Variants in KCNU1 observed in about 807,000 individuals in gnomAD.
KCNU1 encodes potassium channel subfamily U member 1.
In KCNU1, 93 loss-of-function variants were observed where a neutral mutation model predicts 126.8. The observed-to-expected ratio is 0.73, with a 90% CI of 0.62 to 0.87. KCNU1 has a LOEUF of 0.87. KCNU1 is among the 40% of genes least tolerant of loss of function. The pLI, the probability that KCNU1 is intolerant of heterozygous loss-of-function variation, is 0.00. For synonymous variants in KCNU1, 523 were observed against 494.2 expected, an observed-to-expected ratio of 1.06 and a Z score of -0.77; for missense variants, 1,330 against 1,367.1, an observed-to-expected ratio of 0.97 and a Z score of 0.43.
At chr8:36,839,930 T>A (rs1162225019) in intron 14 of KCNU1, among the ~76,000 whole-genome samples, 1 of 152,180 alleles carries the variant, frequency 6.6e-6, no homozygotes, top group Non-Finnish European at 1.5e-5. Flanking sequence ...GAAACCTACT[T>A]TTTGCCTTGA....
intron 2 of KCNU1, among the ~76,000 whole-genome samples, chr8:36,798,976 C>G (rs1459455847): frequency 2.6e-5 from 4 of 152,092 alleles, no homozygotes; most frequent in African/African-American, 9.7e-5. Flanking sequence ...AGTCTGAATC[C>G]CAACTCCAAA....
In KCNU1 at chr8:36,932,974, C is replaced by T; in HGVS notation, c.2986C>T (p.Leu996=). 6.3e-7 allele frequency: 1 copy of T among 1,576,952 alleles called. No individual in the cohort carries two copies. Among genetic ancestry groups the T allele is most frequent in the South Asian group, 1.2e-5 (1 of 85,956 alleles). Residue 996 remains leucine, a synonymous_variant, in exon 26 of 27, where the codon CTG becomes TTG. Coordinates refer to ENST00000399881, the MANE Select transcript of KCNU1 (RefSeq NM_001031836.3). The stretch of plus-strand genomic sequence containing the variant: ...TGGCTCATTAGATCTTTTTGGAATC[C>T]TGTGTGTTGGCTTATACCGAATAAT... The part of the protein sequence containing the change: ...FCGSLDLFGI[L]CVGLYRIIDE...
intron 19 of KCNU1, among the ~76,000 whole-genome samples, chr8:36,873,135 G>T (rs924452467): frequency 6.6e-6 from 1 of 152,068 alleles, no homozygotes; most frequent in Non-Finnish European, 1.5e-5. Flanking sequence ...TACATCCTGT[G>T]GGGGTGGCAA....
At chr8:36,923,189 G>A in intron 24 of KCNU1, 1 of 411,606 alleles carries the variant, frequency 2.4e-6, no homozygotes, top group South Asian at 1.8e-5. Flanking sequence ...ATTCCCCTGG[G>A]TGGAATTAAT....
intron 22 of KCNU1, among the ~76,000 whole-genome samples, chr8:36,915,248 T>A (rs1037756900): frequency 1.3e-5 from 2 of 152,232 alleles, no homozygotes; most frequent in Non-Finnish European, 2.9e-5. Flanking sequence ...TATTGAAAAT[T>A]CCAGTCAAAC....
chr8:36,820,724 GAA>G (rs369494594), intron 10 of KCNU1, among the ~76,000 whole-genome samples: 1 of 149,260 alleles, frequency 6.7e-6, no homozygotes, highest in African/African-American at 2.5e-5. Flanking sequence ...ACCTCAGAGA[GAA>G]AAAAAAAATC....
At chr8:36,840,198 C>T (rs1432389300) in intron 14 of KCNU1, among the ~76,000 whole-genome samples, 1 of 152,172 alleles carries the variant, frequency 6.6e-6, no homozygotes, top group Non-Finnish European at 1.5e-5. Flanking sequence ...ATTCTCACTG[C>T]CAGCAAGGAA....
intron 20 of KCNU1, among the ~76,000 whole-genome samples, chr8:36,908,704 G>T (rs560669552): frequency 6.6e-6 from 1 of 151,956 alleles, no homozygotes; most frequent in Non-Finnish European, 1.5e-5. Context: ...TGCACTTTGC[G>T]TGATGAATTT....
At chr8:36,897,559 T>G (rs1164695622) in intron 19 of KCNU1, among the ~76,000 whole-genome samples, 1 of 152,028 alleles carries the variant, frequency 6.6e-6, no homozygotes, top group African/African-American at 2.4e-5. Context: ...CATTTCAAAT[T>G]AGAGGTGAAC....
chr8:36,894,880 T>C (rs917052449), intron 19 of KCNU1, among the ~76,000 whole-genome samples: 27 of 152,246 alleles, frequency 1.8e-4, no homozygotes, highest in African/African-American at 6.0e-4. Context: ...ATAGTCCTTA[T>C]TGTGTTATCC....
chr8:36,831,771 C>T (rs548741001), intron 10 of KCNU1, among the ~76,000 whole-genome samples: 69 of 149,138 alleles, frequency 4.6e-4, no homozygotes, highest in Admixed American at 2.7e-3. Flanking sequence ...TAATTAGATC[C>T]CATTTGTCAA....
At chr8:36,929,635 T>C (rs1005583) in intron 24 of KCNU1, among the ~76,000 whole-genome samples, 15,130 of 152,118 alleles carry the variant, frequency 0.099, 1,088 homozygotes, top group Non-Finnish European at 0.15. Context: ...ACAAAGCTGA[T>C]GAACCAGAGT....
chr8:36,836,485 A>T, intron 13 of KCNU1, 120 bp downstream of exon 13: 1 of 681,714 alleles, frequency 1.5e-6, no homozygotes, highest in Non-Finnish European at 2.5e-6. Context: ...TAAAATTTGG[A>T]GTCTTATTAA....
rs542340376 is a variant in KCNU1, at chr8:36,793,608, C to T, written c.315+6183C>T. Among the ~76,000 whole-genome samples, 88 of 152,038 alleles carry T rather than the reference C, an allele frequency of 5.8e-4. 1 individual carries two copies. In the South Asian group the frequency reaches 8.5e-3, roughly 15 times the overall value. ...TTTCAAATGTGCTCTCCAATTTTTC[C>T]GCTTGTTTATTATTGGAAACAATAT... is the stretch of plus-strand genomic sequence containing the variant. On this transcript the variant is annotated intron_variant, in intron 2 of 26. Coordinates refer to ENST00000399881, the MANE Select transcript of KCNU1 (RefSeq NM_001031836.3).
At chr8:36,893,672 C>A (rs146885754) in intron 19 of KCNU1, among the ~76,000 whole-genome samples, 33 of 152,078 alleles carry the variant, frequency 2.2e-4, no homozygotes, top group African/African-American at 4.1e-4. Flanking sequence ...CTCAAAAATG[C>A]CATGAAGCTT....
At chr8:36,901,340 G>T (rs1807411252) in intron 19 of KCNU1, among the ~76,000 whole-genome samples, 1 of 152,078 alleles carries the variant, frequency 6.6e-6, no homozygotes. Flanking sequence ...AAGGCACAGG[G>T]TTTATTTATT....
chr8:36,840,467 T>C lies in KCNU1; in HGVS notation c.1523T>C (p.Met508Thr), dbSNP rs770147656. 1.3e-6 allele frequency: 2 copies of C among 1,538,246 alleles called. No individual in the cohort carries two copies. The highest frequency in any genetic ancestry group is 1.8e-6 in the Non-Finnish European group (2 of 1,112,662). Residue 508 changes from methionine to threonine, a missense_variant, in exon 15 of 27, where the codon ATG (methionine) becomes ACG (threonine). Physicochemically the swap from Met to Thr is moderately conservative, Grantham distance 81 (BLOSUM62 -1). Coordinates refer to ENST00000399881, the MANE Select transcript of KCNU1 (RefSeq NM_001031836.3). Reference protein sequence around the residue: ...SLFVEQNKKVMPKQTWKKHFL... With the variant: ...SLFVEQNKKVTPKQTWKKHFL... ...TGGCATGATTATGTATTCCAGGTTA[T>C]GCCTAAACAGACCTGGAAGAAACAC...
At chr8:36,791,419 CCTAAGCA>C (rs1802897271) in intron 2 of KCNU1, among the ~76,000 whole-genome samples, 1 of 152,132 alleles carries the variant, frequency 6.6e-6, no homozygotes, top group African/African-American at 2.4e-5. Flanking sequence ...TTAACATCAT[CCTAAGCA>C]CTACTGTATG....
At chr8:36,879,969 C>A (rs1806413349) in intron 19 of KCNU1, among the ~76,000 whole-genome samples, 1 of 152,168 alleles carries the variant, frequency 6.6e-6, no homozygotes, top group African/African-American at 2.4e-5. Flanking sequence ...GCTAAGCACT[C>A]CAGCGTACAG....
Sources: gnomAD v4.1 joint callset for allele counts (sites outside exome capture counted in the v4.1 genomes callset) on GRCh38, gnomAD v4.1.1 for gene constraint, MANE v1.5 for transcripts, NCBI Gene and HGNC (gene_info 2026-07-23, HGNC 2026-07-21) for gene names.